Variants in TMEM116 observed in about 807,000 individuals in gnomAD.
TMEM116 encodes the protein transmembrane protein 116.
TMEM116 carries 38 observed loss-of-function variants against 44.3 expected under a neutral mutation model. The observed-to-expected ratio is 0.86, with a 90% CI of 0.66 to 1.12. TMEM116 has a LOEUF of 1.12. Among genes scored for constraint, TMEM116 ranks in the 50% most tolerant of loss-of-function variants. TMEM116 has a pLI of 0.00. For missense variants in TMEM116, 354 were observed against 401.7 expected (o/e 0.88, Z 1.01); for synonymous variants, 132 against 144.8 (o/e 0.91, Z 0.64).
chr12:112,005,266 G>T lies in TMEM116; in HGVS notation c.5C>A (p.Ala2Asp), dbSNP rs1398606835. 5 of 1,343,930 alleles carry T rather than the reference G, an allele frequency of 3.7e-6. No homozygotes were observed. Among genetic ancestry groups the T allele is most frequent in the Non-Finnish European group, 3.8e-6 (4 of 1,052,342 alleles). The allele number at this position is 1,343,930 out of a possible 1,614,324, so 83.3% of individuals were successfully genotyped here. A position where few individuals can be genotyped will look rare whatever the true frequency, so the allele number is the denominator to read the frequency against. M[A>D]TLSVIGSSSL... ...GATTAAATAAACATACCTCAGAGTAGCCATGACAAATTGTATCCACTGTAT... is the reference window on the plus strand; with the variant it reads ...GATTAAATAAACATACCTCAGAGTATCCATGACAAATTGTATCCACTGTAT... Residue 2 changes from alanine to aspartate, a missense_variant, in exon 2 of 11, where the codon GCT (alanine) becomes GAT (aspartate). Transcript: ENST00000552374.
chr12:112,009,746 T>G (rs1260890122), intron 1 of TMEM116, among the ~76,000 whole-genome samples: 2 of 151,228 alleles, frequency 1.3e-5, no homozygotes, highest in African/African-American at 4.9e-5. Context: ...CTCAGGAGGC[T>G]GAGGTAGGAA....
At chr12:111,940,531 A>ATATATACACACACATATATATGTGTG (rs2072692302) in intron 5 of TMEM116, among the ~76,000 whole-genome samples, 2 of 116,662 alleles carry the variant, frequency 1.7e-5, no homozygotes, top group East Asian at 1.4e-3. Context: ...GTGTATATAT[A>ATATATACACACACATATATATGTGTG]TATATATATA....
intron 1 of TMEM116, among the ~76,000 whole-genome samples, chr12:112,009,929 A>G (rs900826569): frequency 2.0e-5 from 3 of 152,214 alleles, no homozygotes; most frequent in African/African-American, 7.2e-5. Flanking sequence ...AACTAGGTAT[A>G]ACCGAAGTTA....
intron 4 of TMEM116, among the ~76,000 whole-genome samples, chr12:111,948,195 T>TA (rs2073429420): frequency 1.3e-5 from 2 of 152,198 alleles, no homozygotes; most frequent in African/African-American, 4.8e-5. Context: ...CCTTGAAACT[T>TA]ATATTCCTCC....
At chr12:111,936,900 T>A in intron 7 of TMEM116, 70 bp from the exon 8 acceptor site, 1 of 1,471,352 alleles carries the variant, frequency 6.8e-7, no homozygotes, top group Non-Finnish European at 9.2e-7. Flanking sequence ...CAAGACTTAA[T>A]AAGCATGTTA....
At chr12:112,007,672 C>T (rs2077656195) in intron 1 of TMEM116, among the ~76,000 whole-genome samples, 1 of 152,198 alleles carries the variant, frequency 6.6e-6, no homozygotes, top group African/African-American at 2.4e-5. Flanking sequence ...CTGACAGTTT[C>T]ACCAAGTAAT....
At chr12:111,946,446 CAA>C (rs2073285535) in intron 4 of TMEM116, among the ~76,000 whole-genome samples, 2 of 152,202 alleles carry the variant, frequency 1.3e-5, no homozygotes, top group Non-Finnish European at 1.5e-5. Context: ...TGGGCCAAAA[CAA>C]AGAGATGGGC....
chr12:112,001,236 T>C (rs183343190), intron 3 of TMEM116, among the ~76,000 whole-genome samples: 1 of 152,250 alleles, frequency 6.6e-6, no homozygotes, highest in African/African-American at 2.4e-5. Context: ...CCCACTGTTA[T>C]GCCAGAAAGT....
At chr12:112,005,536 A>C (rs2077530897) in intron 1 of TMEM116, 1 of 471,532 alleles carries the variant, frequency 2.1e-6, no homozygotes, top group Non-Finnish European at 3.1e-6. Context: ...TTTTTAAAAA[A>C]TAGAGATGTG....
intron 2 of TMEM116, 77 bp downstream of exon 2, chr12:112,005,179 AG>A (rs2077512042): frequency 1.0e-6 from 1 of 985,474 alleles, no homozygotes; most frequent in South Asian, 1.9e-5. Flanking sequence ...CAAATCCCCA[AG>A]GGGGAAATGT....
chr12:111,946,500 A>G (rs2073290082), intron 4 of TMEM116, among the ~76,000 whole-genome samples: 1 of 152,250 alleles, frequency 6.6e-6, no homozygotes, highest in Admixed American at 6.5e-5. Context: ...CTTAAGGCGC[A>G]GATCGCTCAG....
At chr12:111,978,405 GA>G (rs147006413) in intron 4 of TMEM116, among the ~76,000 whole-genome samples, 1 of 146,638 alleles carries the variant, frequency 6.8e-6, no homozygotes, top group South Asian at 2.2e-4. Context: ...TCAAAAAAAA[GA>G]AAAAAAAAGG....
intron 4 of TMEM116, 141 bp downstream of exon 4, chr12:111,991,617 T>G: frequency 3.8e-6 from 3 of 799,016 alleles, no homozygotes; most frequent in Non-Finnish European, 3.6e-6. Context: ...GTTTTTAATA[T>G]GAAAAAAGAT....
intron 4 of TMEM116, among the ~76,000 whole-genome samples, chr12:111,983,157 G>A (rs1277437770): frequency 6.6e-6 from 1 of 151,970 alleles, no homozygotes; most frequent in African/African-American, 2.4e-5. Context: ...ATTAGCTGGG[G>A]CCAGGCACGG....
chr12:111,956,130 A>T (rs12578195), intron 4 of TMEM116, among the ~76,000 whole-genome samples: 14,016 of 152,244 alleles, frequency 0.092, 709 homozygotes, highest in East Asian at 0.23. Flanking sequence ...GTGAAGTGGC[A>T]TAAGCGTGCT....
intron 3 of TMEM116, among the ~76,000 whole-genome samples, chr12:111,998,853 A>G (rs2077069526): frequency 6.6e-6 from 1 of 152,112 alleles, no homozygotes; most frequent in African/African-American, 2.4e-5. Flanking sequence ...AAGGAAAGGA[A>G]AGGACCCTAT....
intron 4 of TMEM116, among the ~76,000 whole-genome samples, chr12:111,966,939 T>A (rs535019054): frequency 6.6e-6 from 1 of 152,246 alleles, no homozygotes; most frequent in East Asian, 1.9e-4. Flanking sequence ...ATCAAACAGA[T>A]CTCTCCATAG....
chr12:111,944,562 C>T (rs1018065370), intron 4 of TMEM116, among the ~76,000 whole-genome samples: 17 of 152,020 alleles, frequency 1.1e-4, no homozygotes, highest in Non-Finnish European at 1.8e-4. Flanking sequence ...GTGAGCTGAG[C>T]GACAGAATTC....
At chr12:112,009,521 A>G (rs1268249461) in intron 1 of TMEM116, among the ~76,000 whole-genome samples, 1 of 148,412 alleles carries the variant, frequency 6.7e-6, no homozygotes. Flanking sequence ...CTGCTAAATC[A>G]GCATGGGTTT....
Sources: allele counts gnomAD v4.1 joint callset (sites outside exome capture counted in the v4.1 genomes callset), GRCh38; gene constraint gnomAD v4.1.1; transcripts MANE v1.5; gene names NCBI Gene and HGNC (gene_info 2026-07-23, HGNC 2026-07-21).